Variants in GAREM1 observed in about 807,000 individuals in gnomAD.
GAREM1 encodes GRB2 associated regulator of MAPK1 subtype 1, also known as GRB2-associated and regulator of MAPK protein 1.
In GAREM1, 26 loss-of-function variants were observed where a neutral mutation model predicts 71.3. The ratio of observed to expected loss-of-function variants is 0.36; its 90% CI spans 0.27 to 0.51. The LOEUF (loss-of-function observed/expected upper bound fraction) is 0.51, where lower values mean the gene tolerates loss of function less well. GAREM1 is among the 20% of genes least tolerant of loss of function. The pLI is 0.95. For synonymous variants in GAREM1, 440 were observed against 433.2 expected, an observed-to-expected ratio of 1.02 and a Z score of -0.20; for missense variants, 1,026 against 1,103.1, an observed-to-expected ratio of 0.93 and a Z score of 0.99.
intron 5 of GAREM1, 87 bp from the exon 6 acceptor site, chr18:32,268,855 G>A: frequency 9.2e-7 from 1 of 1,083,982 alleles, no homozygotes; most frequent in South Asian, 1.6e-5. Flanking sequence ...TTACTGCTGA[G>A]TAGAAAAGCG....
intron 1 of GAREM1, among the ~76,000 whole-genome samples, chr18:32,415,134 C>A (rs1241020850): frequency 2.6e-5 from 4 of 151,968 alleles, no homozygotes; most frequent in African/African-American, 9.7e-5. Context: ...CAGACATATA[C>A]AATCTACCAA....
At chr18:32,466,515 G>A (rs1032649973) in intron 1 of GAREM1, among the ~76,000 whole-genome samples, 11 of 152,140 alleles carry the variant, frequency 7.2e-5, no homozygotes, top group African/African-American at 2.7e-4. Flanking sequence ...ACTGAAAAAT[G>A]TGCTTAGGGA....
At chr18:32,468,546 T>C (rs972503502) in intron 1 of GAREM1, among the ~76,000 whole-genome samples, 1 of 152,190 alleles carries the variant, frequency 6.6e-6, no homozygotes, top group Non-Finnish European at 1.5e-5. Context: ...GTGTTAAGAC[T>C]TGCTACCCAC....
At chr18:32,271,017 C>T (rs757350267) in intron 4 of GAREM1, among the ~76,000 whole-genome samples, 10 of 151,034 alleles carry the variant, frequency 6.6e-5, no homozygotes, top group Non-Finnish European at 1.5e-4. Flanking sequence ...GGTGATCCTC[C>T]CACCTCAGCT....
intron 2 of GAREM1, among the ~76,000 whole-genome samples, chr18:32,374,214 C>A (rs746812405): frequency 6.6e-6 from 1 of 152,228 alleles, no homozygotes; most frequent in Non-Finnish European, 1.5e-5. Context: ...AAAATGAGGT[C>A]ACACAGTCAT....
intron 2 of GAREM1, among the ~76,000 whole-genome samples, chr18:32,341,830 G>A (rs2047650641): frequency 1.3e-5 from 2 of 152,084 alleles, no homozygotes; most frequent in Non-Finnish European, 2.9e-5. Context: ...TGGCAGAACT[G>A]GAGAGAAGTG....
At chr18:32,428,995 G>T (rs564139544) in intron 1 of GAREM1, among the ~76,000 whole-genome samples, 2 of 151,964 alleles carry the variant, frequency 1.3e-5, no homozygotes, top group Non-Finnish European at 2.9e-5. Context: ...AACCTTTACA[G>T]AATGAATTTA....
At chr18:32,383,595 C>T (rs2048116581) in intron 2 of GAREM1, among the ~76,000 whole-genome samples, 1 of 152,182 alleles carries the variant, frequency 6.6e-6, no homozygotes, top group African/African-American at 2.4e-5. Context: ...CTTTCCCACC[C>T]ATGCTATAAA....
intron 2 of GAREM1, among the ~76,000 whole-genome samples, chr18:32,358,645 G>T (rs73956901): frequency 6.6e-6 from 1 of 152,026 alleles, no homozygotes; most frequent in Admixed American, 6.6e-5. Flanking sequence ...AGAAGCCACC[G>T]TAACAACTTT....
intron 1 of GAREM1, among the ~76,000 whole-genome samples, chr18:32,430,929 G>C (rs935708884): frequency 2.0e-5 from 3 of 152,206 alleles, no homozygotes; most frequent in Non-Finnish European, 4.4e-5. Flanking sequence ...GACTAGGAAG[G>C]GGGTTTCAGA....
chr18:32,301,312 G>A (rs920739193), intron 3 of GAREM1, among the ~76,000 whole-genome samples: 2 of 152,200 alleles, frequency 1.3e-5, no homozygotes, highest in Non-Finnish European at 1.5e-5. Context: ...TATGGAGTTT[G>A]AAGGAGTTCA....
intron 2 of GAREM1, among the ~76,000 whole-genome samples, chr18:32,382,402 G>T (rs1426675326): frequency 6.6e-6 from 1 of 152,018 alleles, no homozygotes; most frequent in African/African-American, 2.4e-5. Context: ...TCTCTATTGG[G>T]TGGTGGCTAT....
chr18:32,303,935 A>G (rs771287544), intron 3 of GAREM1, among the ~76,000 whole-genome samples: 17 of 137,816 alleles, frequency 1.2e-4, no homozygotes, highest in Non-Finnish European at 2.5e-4. Flanking sequence ...AGAAAGAGGG[A>G]GAGAGAGAGA....
intron 1 of GAREM1, chr18:32,412,277 T>G: frequency 4.4e-6 from 7 of 1,584,816 alleles, no homozygotes; most frequent in Non-Finnish European, 6.0e-6. Context: ...CACCTTGGTT[T>G]CGTGGTTTTG....
Position 32,282,995 on chromosome 18 carries a change from T to A in GAREM1, c.1566+4036A>T, listed in dbSNP as rs1207178243. Among the ~76,000 whole-genome samples the A allele has an allele frequency of 2.6e-5, 4 of 152,208 alleles. No individual in the cohort carries two copies. The East Asian group carries it at 7.7e-4, about 29-fold the overall frequency. Reference sequence around the variant, plus strand: ...AGAGGATATGTTTAGAATAAACACATGGATCAATAAGGATAATCCACTTAA... The same window carrying A: ...AGAGGATATGTTTAGAATAAACACAAGGATCAATAAGGATAATCCACTTAA... On this transcript the variant is annotated intron_variant, in intron 4 of 5. Coordinates refer to ENST00000269209, the MANE Select transcript of GAREM1 (RefSeq NM_001242409.2).
intron 2 of GAREM1, among the ~76,000 whole-genome samples, chr18:32,384,148 T>C (rs2048122751): frequency 6.6e-6 from 1 of 152,188 alleles, no homozygotes; most frequent in African/African-American, 2.4e-5. Flanking sequence ...TACCATCAAC[T>C]GGGTCAGTCG....
chr18:32,342,502 G>A (rs1204942846), intron 2 of GAREM1, among the ~76,000 whole-genome samples: 1 of 152,140 alleles, frequency 6.6e-6, no homozygotes, highest in Admixed American at 6.6e-5. Flanking sequence ...AGACATATGG[G>A]ATAGCTAAGA....
At chr18:32,313,779 T>C (rs959421162) in intron 2 of GAREM1, among the ~76,000 whole-genome samples, 3 of 152,206 alleles carry the variant, frequency 2.0e-5, no homozygotes, top group African/African-American at 4.8e-5. Flanking sequence ...AGACCACTTA[T>C]ACTCCTCTAC....
At chr18:32,284,898 C>T (rs532391798) in intron 4 of GAREM1, among the ~76,000 whole-genome samples, 14 of 152,028 alleles carry the variant, frequency 9.2e-5, no homozygotes, top group East Asian at 3.9e-4. Context: ...TACAGGCGCC[C>T]GCCACCACGC....
Sources: gnomAD v4.1 joint callset for allele counts (sites outside exome capture counted in the v4.1 genomes callset) on GRCh38, gnomAD v4.1.1 for gene constraint, MANE v1.5 for transcripts, NCBI Gene and HGNC (gene_info 2026-07-23, HGNC 2026-07-21) for gene names.